Variants in DENND1A observed in about 807,000 individuals in gnomAD.
DENND1A encodes the protein DENN domain-containing protein 1A.
A neutral mutation model predicts 113.7 loss-of-function variants in DENND1A; 51 were observed. The ratio of observed to expected loss-of-function variants is 0.45; its 90% CI spans 0.36 to 0.57. The LOEUF is 0.57. Ranked by LOEUF, DENND1A falls within the 20% of genes least tolerant of loss-of-function variation. The pLI, the probability that DENND1A is intolerant of heterozygous loss-of-function variation, is 0.00. For synonymous variants in DENND1A, 565 were observed against 570.8 expected, an observed-to-expected ratio of 0.99 and a Z score of 0.14; for missense variants, 1,258 against 1,395.9, an observed-to-expected ratio of 0.90 and a Z score of 1.57.
chr9:123,557,465 G>A (rs2057484777), intron 13 of DENND1A, 105 bp downstream of exon 13: 5 of 1,516,356 alleles, frequency 3.3e-6, no homozygotes, highest in African/African-American at 1.4e-5. Flanking sequence ...AGCTCTTCTA[G>A]ATGAATCTGG....
At chr9:123,564,216 A>C (rs897107513) in intron 12 of DENND1A, among the ~76,000 whole-genome samples, 4 of 152,248 alleles carry the variant, frequency 2.6e-5, no homozygotes, top group Admixed American at 6.5e-5. Flanking sequence ...TACCCTTTTA[A>C]TACACATTAG....
At chr9:123,724,259 G>A (rs1318947615) in intron 5 of DENND1A, among the ~76,000 whole-genome samples, 1 of 152,212 alleles carries the variant, frequency 6.6e-6, no homozygotes, top group Non-Finnish European at 1.5e-5. Context: ...GGAGGCTGAA[G>A]GGAGGGAGCA....
chr9:123,818,513 TAC>T (rs1564332712), intron 2 of DENND1A, among the ~76,000 whole-genome samples: 1 of 29,180 alleles, frequency 3.4e-5, no homozygotes, highest in South Asian at 2.1e-3. Flanking sequence ...TATATATACA[TAC>T]ATATACACAC....
chr9:123,829,574 T>C (rs1446162935), intron 2 of DENND1A, among the ~76,000 whole-genome samples: 2 of 151,680 alleles, frequency 1.3e-5, no homozygotes, highest in Admixed American at 6.6e-5. Flanking sequence ...GTGACAAATA[T>C]TGAAGATAGG....
At chr9:123,717,837 C>CAGTGTGT (rs2067079968) in intron 5 of DENND1A, among the ~76,000 whole-genome samples, 2 of 152,190 alleles carry the variant, frequency 1.3e-5, no homozygotes, top group Non-Finnish European at 2.9e-5. Flanking sequence ...AAATGCTAAA[C>CAGTGTGT]AGTGTGTAGT....
intron 2 of DENND1A, among the ~76,000 whole-genome samples, chr9:123,832,737 C>A (rs902228585): frequency 5.3e-5 from 8 of 152,058 alleles, no homozygotes; most frequent in Non-Finnish European, 1.0e-4. Flanking sequence ...AATTGTTGAG[C>A]AAAAGAAACC....
intron 1 of DENND1A, among the ~76,000 whole-genome samples, chr9:123,897,988 T>A (rs1415170718): frequency 1.3e-5 from 2 of 150,364 alleles, no homozygotes; most frequent in Non-Finnish European, 3.0e-5. Flanking sequence ...TTCTTCTACA[T>A]ACATACATCC....
At chr9:123,646,059 G>A (rs898325007) in intron 9 of DENND1A, among the ~76,000 whole-genome samples, 8 of 152,208 alleles carry the variant, frequency 5.3e-5, no homozygotes, top group Non-Finnish European at 1.0e-4. Flanking sequence ...TCTTCATGAC[G>A]TTTACATTCC....
At position 123,637,566 on chromosome 9, in the gene DENND1A, A is replaced by G. The variant is rs117953194; in HGVS notation, c.619-7090T>C. On this transcript the variant is annotated intron_variant, in intron 9 of 23. Transcript: ENST00000394215. The stretch of plus-strand genomic sequence containing the variant: ...CTATTTCAACCCTTCCATGGCTGTG[A>G]GAAAAACCTTTAATTATAAAGGGTT... 5.1e-3 allele frequency among the ~76,000 whole-genome samples: 783 copies of G among 152,302 alleles called. 1 individual carries two copies. Among genetic ancestry groups the G allele is most frequent in the Middle Eastern group, 0.02 (6 of 294 alleles).
chr9:123,406,428 C>G (rs1003938296), intron 20 of DENND1A, among the ~76,000 whole-genome samples: 2 of 152,220 alleles, frequency 1.3e-5, no homozygotes, highest in Non-Finnish European at 2.9e-5. Flanking sequence ...TTCTTGTCAA[C>G]AACAAAAGGA....
chr9:123,561,128 T>C (rs533308560), intron 12 of DENND1A, among the ~76,000 whole-genome samples: 11 of 152,362 alleles, frequency 7.2e-5, no homozygotes, highest in South Asian at 4.1e-4. Context: ...TTCTGGCTCC[T>C]CAAGGGCCTT....
At chr9:123,639,063 A>AAAAAAAAAAAAAAAAAAAAAAAAAG (rs2061878045) in intron 9 of DENND1A, among the ~76,000 whole-genome samples, 1 of 146,456 alleles carries the variant, frequency 6.8e-6, no homozygotes, top group Non-Finnish European at 1.5e-5. Context: ...AAAAAAAAAA[A>AAAAAAAAAAAAAAAAAAAAAAAAAG]AAAGAAAGAA....
chr9:123,721,704 C>T (rs2067353543), intron 5 of DENND1A, among the ~76,000 whole-genome samples: 1 of 152,094 alleles, frequency 6.6e-6, no homozygotes, highest in Admixed American at 6.5e-5. Flanking sequence ...TGGGAGTTTC[C>T]CTGTACCAGC....
chr9:123,399,654 G>C (rs1298476208), intron 21 of DENND1A, among the ~76,000 whole-genome samples: 1 of 152,194 alleles, frequency 6.6e-6, no homozygotes, highest in Non-Finnish European at 1.5e-5. Context: ...AACAGATCCG[G>C]TTCCCAACTC....
chr9:123,676,865 G>C, intron 5 of DENND1A, 76 bp from the exon 6 acceptor site: 1 of 1,379,966 alleles, frequency 7.2e-7, no homozygotes, highest in Non-Finnish European at 1.0e-6. Flanking sequence ...ATTCAAGACT[G>C]ATACATTTCA....
chr9:123,406,567 C>T lies in DENND1A; in HGVS notation c.1543-3077G>A, dbSNP rs138668979. Among the ~76,000 whole-genome samples, 853 of 152,356 alleles carry T rather than the reference C, an allele frequency of 5.6e-3. 4 individuals carry two copies. The highest frequency in any genetic ancestry group is 0.024 in the Middle Eastern group (7 of 294). On this transcript the variant is annotated intron_variant, in intron 20 of 23. Transcript: ENST00000394215. The stretch of plus-strand genomic sequence containing the variant: ...GATTTTTAGAAACGAATGAATGTTG[C>T]TGCTCGGAATCTGAGAAGTGCATAA...
At chr9:123,839,906 GAA>G (rs1426632835) in intron 2 of DENND1A, among the ~76,000 whole-genome samples, 1 of 152,076 alleles carries the variant, frequency 6.6e-6, no homozygotes, top group Admixed American at 6.5e-5. Flanking sequence ...AAGTAAATGA[GAA>G]ACCGAAACTA....
chr9:123,915,507 T>A (rs1301413935), intron 1 of DENND1A, among the ~76,000 whole-genome samples: 1 of 151,922 alleles, frequency 6.6e-6, no homozygotes, highest in Non-Finnish European at 1.5e-5. Context: ...CAAAAGACAG[T>A]GTTGAGGGTT....
At chr9:123,655,064 G>C (rs1412005469) in intron 8 of DENND1A, among the ~76,000 whole-genome samples, 1 of 152,156 alleles carries the variant, frequency 6.6e-6, no homozygotes, top group African/African-American at 2.4e-5. Context: ...AATTACTCCT[G>C]CTGTGTCCTC....
Sources: gnomAD v4.1 joint callset for allele counts (sites outside exome capture counted in the v4.1 genomes callset) on GRCh38, gnomAD v4.1.1 for gene constraint, MANE v1.5 for transcripts, NCBI Gene and HGNC (gene_info 2026-07-23, HGNC 2026-07-21) for gene names.